The following TBC1D5 variants were observed in gnomAD, a reference collection of about 807,000 sequenced individuals.
TBC1D5 encodes the protein TBC1 domain family, member 5.
In TBC1D5, 75 loss-of-function variants were observed where a neutral mutation model predicts 100.3. The ratio of observed to expected loss-of-function variants is 0.75; its 90% CI spans 0.62 to 0.91. The LOEUF (loss-of-function observed/expected upper bound fraction) is 0.91, where lower values mean the gene tolerates loss of function less well. TBC1D5 is among the 40% of genes least tolerant of loss of function. The pLI, the probability that TBC1D5 is intolerant of heterozygous loss-of-function variation, is 0.00. For missense variants in TBC1D5, 910 were observed against 942.4 expected (o/e 0.97, Z 0.45); for synonymous variants, 323 against 325.6 (o/e 0.99, Z 0.09).
chr3:17,557,905 A>G (rs1013207322), intron 2 of TBC1D5, among the ~76,000 whole-genome samples: 11 of 152,182 alleles, frequency 7.2e-5, no homozygotes, highest in African/African-American at 2.7e-4. Context: ...ATTTCTGGGA[A>G]TGAGTCAATC....
chr3:17,210,197 T>C (rs2348002), intron 18 of TBC1D5, among the ~76,000 whole-genome samples: 60,876 of 151,264 alleles, frequency 0.4, 12,914 homozygotes, highest in Middle Eastern at 0.5. Context: ...GAACTTTTTT[T>C]TTTTTTTTGA....
intron 15 of TBC1D5, among the ~76,000 whole-genome samples, chr3:17,280,104 T>C (rs913344679): frequency 2.0e-5 from 3 of 152,162 alleles, no homozygotes; most frequent in Non-Finnish European, 4.4e-5. Context: ...AAAAACATTG[T>C]CTTCACGGAG....
chr3:17,422,764 C>A (rs1232921007), intron 4 of TBC1D5, among the ~76,000 whole-genome samples: 1 of 151,998 alleles, frequency 6.6e-6, no homozygotes, highest in Non-Finnish European at 1.5e-5. Context: ...TGATTATATG[C>A]AAATAAGATA....
At chr3:17,539,664 C>A (rs576221434) in intron 2 of TBC1D5, among the ~76,000 whole-genome samples, 1 of 152,238 alleles carries the variant, frequency 6.6e-6, no homozygotes, top group African/African-American at 2.4e-5. Context: ...CTGATCACCC[C>A]CTCCCCATCA....
At chr3:17,214,583 T>C (rs2073400060) in intron 17 of TBC1D5, among the ~76,000 whole-genome samples, 2 of 151,810 alleles carry the variant, frequency 1.3e-5, no homozygotes, top group Admixed American at 1.3e-4. Context: ...ACCACTATAG[T>C]TTTCTATGTT....
At chr3:17,527,038 C>T (rs1458981304) in intron 2 of TBC1D5, among the ~76,000 whole-genome samples, 1 of 152,108 alleles carries the variant, frequency 6.6e-6, no homozygotes, top group African/African-American at 2.4e-5. Flanking sequence ...AGAAGATAAG[C>T]ATTTAGTGGT....
intron 4 of TBC1D5, among the ~76,000 whole-genome samples, chr3:17,408,268 AACACACACACACACACACACACAC>A (rs3041146): frequency 2.1e-5 from 3 of 144,114 alleles, no homozygotes; most frequent in Non-Finnish European, 3.0e-5. Context: ...AAGACTATCC[AACACACACACACACACACACACAC>A]ACACACACAC....
intron 2 of TBC1D5, among the ~76,000 whole-genome samples, chr3:17,607,901 T>C (rs1157951384): frequency 6.6e-6 from 1 of 151,940 alleles, no homozygotes; most frequent in African/African-American, 2.4e-5. Flanking sequence ...TCAACACCAC[T>C]CATGATTTTT....
intron 2 of TBC1D5, among the ~76,000 whole-genome samples, chr3:17,542,201 G>T (rs1344565384): frequency 6.6e-6 from 1 of 152,146 alleles, no homozygotes; most frequent in African/African-American, 2.4e-5. Context: ...CAGGCAGGGA[G>T]GATCACTTGA....
chr3:17,477,197 A>T (rs2095447788), intron 3 of TBC1D5, among the ~76,000 whole-genome samples: 1 of 152,028 alleles, frequency 6.6e-6, no homozygotes, highest in Non-Finnish European at 1.5e-5. Flanking sequence ...TTACAAAAAT[A>T]GATTTTCCCT....
At chr3:17,736,088 T>C (rs2076944531) in intron 1 of TBC1D5, among the ~76,000 whole-genome samples, 1 of 152,184 alleles carries the variant, frequency 6.6e-6, no homozygotes, top group Non-Finnish European at 1.5e-5. Context: ...CTTTACTACC[T>C]GATTGGTTGG....
At chr3:17,585,550 T>TC (rs1212497002) in intron 2 of TBC1D5, among the ~76,000 whole-genome samples, 1 of 152,154 alleles carries the variant, frequency 6.6e-6, no homozygotes, top group African/African-American at 2.4e-5. Flanking sequence ...TGACAGCTTA[T>TC]ATTGAATGGG....
chr3:17,391,665 G>A lies in TBC1D5; in HGVS notation c.510-7650C>T, dbSNP rs79575491. 4.3e-3 allele frequency among the ~76,000 whole-genome samples: 657 copies of A among 152,086 alleles called. 4 individuals carry two copies. The highest frequency in any genetic ancestry group is 6.7e-3 in the Non-Finnish European group (458 of 67,978). On this transcript the variant is annotated intron_variant, in intron 8 of 21. Coordinates refer to ENST00000253692, the Ensembl canonical transcript of TBC1D5. ...CATCAGTGAGAAATTAAGGCTGTGG[G>A]AAAAAGACTATTAGCAAAAGACAAT...
chr3:17,720,493 G>A (rs2075606084), intron 1 of TBC1D5, among the ~76,000 whole-genome samples: 1 of 152,174 alleles, frequency 6.6e-6, no homozygotes, highest in Non-Finnish European at 1.5e-5. Context: ...TTTGCAAGGT[G>A]TACAAGTAAT....
At chr3:17,685,111 T>C (rs1402766154) in intron 1 of TBC1D5, among the ~76,000 whole-genome samples, 1 of 152,008 alleles carries the variant, frequency 6.6e-6, no homozygotes, top group Non-Finnish European at 1.5e-5. Flanking sequence ...AAAATGAGTA[T>C]GCACATAATA....
At chr3:17,564,745 T>C (rs2096583215) in intron 2 of TBC1D5, among the ~76,000 whole-genome samples, 1 of 152,180 alleles carries the variant, frequency 6.6e-6, no homozygotes, top group Admixed American at 6.5e-5. Context: ...GACAAATGGC[T>C]ATCTTTTTTT....
chr3:17,391,834 A>T (rs1246586274), intron 8 of TBC1D5, among the ~76,000 whole-genome samples: 1 of 152,172 alleles, frequency 6.6e-6, no homozygotes, highest in Non-Finnish European at 1.5e-5. Flanking sequence ...ATAGAAAATG[A>T]ATCTAATAAA....
At chr3:17,621,554 C>G (rs1232876144) in intron 2 of TBC1D5, among the ~76,000 whole-genome samples, 1 of 152,206 alleles carries the variant, frequency 6.6e-6, no homozygotes, top group Non-Finnish European at 1.5e-5. Context: ...GTACCAAAAG[C>G]TCTATGACTT....
At chr3:17,542,411 T>A (rs1307853562) in intron 2 of TBC1D5, among the ~76,000 whole-genome samples, 3 of 152,216 alleles carry the variant, frequency 2.0e-5, no homozygotes, top group Non-Finnish European at 4.4e-5. Context: ...AGAGCCAGGG[T>A]CTGGCTATGT....
Sources: gnomAD v4.1 joint callset for allele counts (sites outside exome capture counted in the v4.1 genomes callset) on GRCh38, gnomAD v4.1.1 for gene constraint, MANE v1.5 for transcripts, NCBI Gene and HGNC (gene_info 2026-07-23, HGNC 2026-07-21) for gene names.